Variants in EPN3 observed in about 807,000 individuals in gnomAD.
EPN3 encodes the protein epsin-3.
EPN3 carries 56 observed loss-of-function variants against 55.5 expected under a neutral mutation model. That is an observed-to-expected ratio of 1.01 (90% CI 0.81 to 1.26). The LOEUF (loss-of-function observed/expected upper bound fraction) is 1.26. Among genes scored for constraint, EPN3 ranks in the 50% most tolerant of loss-of-function variants. The probability of loss-of-function intolerance (pLI) is 0.00; values close to 1 mark genes in which losing one functional copy is unlikely to be tolerated. For synonymous variants in EPN3, 449 were observed against 375.2 expected, an observed-to-expected ratio of 1.20 and a Z score of -2.27; for missense variants, 927 against 853.4, an observed-to-expected ratio of 1.09 and a Z score of -1.07.
chr17:50,537,327 T>C (rs1260155168), intron 2 of EPN3: 2 of 595,560 alleles, frequency 3.4e-6, no homozygotes, highest in Non-Finnish European at 5.9e-6. Context: ...ATAGATTCAT[T>C]ATCATTCGTT....
intron 1 of EPN3, among the ~76,000 whole-genome samples, chr17:50,535,461 G>A (rs985985592): frequency 2.0e-5 from 3 of 152,196 alleles, no homozygotes; most frequent in Non-Finnish European, 4.4e-5. Context: ...AGAACTCTGA[G>A]GGGCAGTCTT....
At chr17:50,538,770 A>C in intron 3 of EPN3, 114 bp from the exon 4 acceptor site, 1 of 720,160 alleles carries the variant, frequency 1.4e-6, no homozygotes, top group South Asian at 2.4e-5. Context: ...TGGCCCATGC[A>C]CACTGAGGGT....
In EPN3 at chr17:50,536,623, A is replaced by G. The variant is rs756507809; in HGVS notation, c.67A>G (p.Lys23Glu). Reference sequence around the variant, plus strand: ...GCACAACTACTCCGAGGCAGAAATCAAGGTGCGCGAGGCCACCAGCAATGA... The same window carrying G: ...GCACAACTACTCCGAGGCAGAAATCGAGGTGCGCGAGGCCACCAGCAATGA... ...IVHNYSEAEI[K>E]VREATSNDPW... The change falls in exon 2 of 10, where the codon AAG becomes GAG. Residue 23 changes from lysine (K) to glutamate (E), a missense_variant. Physicochemically the swap from Lys to Glu is moderately conservative, Grantham distance 56. Coordinates refer to ENST00000268933, the MANE Select transcript of EPN3 (RefSeq NM_017957.3). The G allele has an allele frequency of 4.3e-6, 7 of 1,613,930 alleles. No homozygotes were observed. Among genetic ancestry groups the G allele is most frequent in the Admixed American group, 1.7e-5 (1 of 60,002 alleles).
chr17:50,535,581 T>C (rs1049307352), intron 1 of EPN3, among the ~76,000 whole-genome samples: 1 of 152,206 alleles, frequency 6.6e-6, no homozygotes, highest in African/African-American at 2.4e-5. Flanking sequence ...CCTTGTGATC[T>C]TGGATCTCAG....
chr17:50,538,275 A>C, intron 3 of EPN3, 78 bp downstream of exon 3: 1 of 1,151,400 alleles, frequency 8.7e-7, no homozygotes, highest in Non-Finnish European at 1.2e-6. Context: ...CTTGGCCTTG[A>C]CTCAGGCTCT....
rs1159558694 is a variant in EPN3, at chr17:50,537,111, C to T, written c.555C>T (p.Ser185=). 6.3e-7 allele frequency: 1 copy of T among 1,597,048 alleles called. No individual in the cohort carries two copies. The highest frequency in any genetic ancestry group is 8.5e-7 in the Non-Finnish European group (1 of 1,172,828). The part of the protein sequence containing the change: ...DYSRSRGSPS[S]YNSSSSSPRY... ...GCCGCTCCCGGGGCTCCCCGTCCTC[C>T]TACAACTGTGAGTAAGCCCCGGTGT... is the stretch of plus-strand genomic sequence containing the variant. Residue 185 remains serine, a synonymous_variant, in exon 2 of 10, where the codon TCC becomes TCT. Coordinates refer to ENST00000268933, the MANE Select transcript of EPN3 (RefSeq NM_017957.3).
At position 50,538,981 on chromosome 17, in the gene EPN3, G is replaced by A. The variant is rs755249861; in HGVS notation, c.762+17G>A. 6.3e-6 allele frequency: 10 copies of A among 1,584,386 alleles called. No individual in the cohort carries two copies. The highest frequency in any genetic ancestry group is 2.7e-5 in the African/African-American group (2 of 74,074). On this transcript the variant is annotated intron_variant, in intron 4 of 9. Coordinates refer to ENST00000268933, the MANE Select transcript of EPN3 (RefSeq NM_017957.3). ...CACGAGAAGGTAGTGGGCCGAGCCC[G>A]CTGGGCTGCCGGTGCTGCTGCTGCT...
In EPN3 at chr17:50,541,549, G is replaced by A. The variant is rs1312292805; in HGVS notation, c.1440G>A (p.Gly480=). Reference sequence around the variant, plus strand: ...ATGCCCTGGACCTGGGCATACTAGGGGAAGCACTAACCCAGCCAAGCAAAG... The same window carrying A: ...ATGCCCTGGACCTGGGCATACTAGGAGAAGCACTAACCCAGCCAAGCAAAG... ...EPDALDLGIL[G]EALTQPSKEA... The change falls in exon 9 of 10, where the codon GGG becomes GGA. Residue 480 remains glycine (G), a synonymous_variant. Transcript: ENST00000268933. The A allele has an allele frequency of 6.2e-7, 1 of 1,614,190 alleles. No homozygotes were observed. Among genetic ancestry groups the A allele is most frequent in the Non-Finnish European group, 8.5e-7 (1 of 1,180,024 alleles).
At position 50,540,793 on chromosome 17, in the gene EPN3, GT is replaced by G; in HGVS notation, c.984del (p.Phe328LeufsTer36). ...CATGTCTATGCTGTTCCCATTTCAG[GT>G]TTTAGGCCGAACACAGAGGCCAGTG... Reference protein sequence around the residue: ...HCSADPWDIPGFRPNTEASGS... With the variant: ...HCSADPWDIPXFRPNTEASGS... On this transcript the variant is annotated frameshift_variant and splice_region_variant, in exon 7 of 10. Transcript: ENST00000268933. LOFTEE classifies it high-confidence loss of function. 5 of 1,606,668 alleles carry G rather than the reference GT, an allele frequency of 3.1e-6. No individual in the cohort carries two copies. The highest frequency in any genetic ancestry group is 4.3e-6 in the Non-Finnish European group (5 of 1,174,946).
chr17:50,537,851 A>C (rs1009543372), intron 2 of EPN3: 3 of 489,252 alleles, frequency 6.1e-6, no homozygotes, highest in Admixed American at 3.8e-5. Context: ...AGGGGCCCTA[A>C]GTGCCGCCTG....
rs2034870702 is a variant in EPN3, at chr17:50,543,145, A to T, written c.*988A>T. 6.6e-6 allele frequency: 1 copy of T among 152,280 alleles called. No individual in the cohort carries two copies. The allele number at this position is 152,280 out of a possible 1,614,324, so 9.4% of individuals were successfully genotyped here. A position where few individuals can be genotyped will look rare whatever the true frequency, so the allele number is the denominator to read the frequency against. ...CAGGAGCTCGAGCGCAGCAGGGTAGACAAGCCAGGGGCACGTGATGCGGCT... is the reference window on the plus strand; with the variant it reads ...CAGGAGCTCGAGCGCAGCAGGGTAGTCAAGCCAGGGGCACGTGATGCGGCT... On this transcript the variant is annotated 3_prime_UTR_variant, in exon 10 of 10. Coordinates refer to ENST00000268933, the MANE Select transcript of EPN3 (RefSeq NM_017957.3).
Position 50,541,665 on chromosome 17 carries a change from T to G in EPN3, c.1556T>G (p.Val519Gly), listed in dbSNP as rs1056349979. ...NLDSLVKAPQ[V>G]AKTRNPFLTG... is the part of the protein sequence containing the mutation. ...GACTCGTTGGTCAAGGCACCCCAGG[T>G]TGCAAAGACCCGGAACCCCTTCCTG... The change falls in exon 9 of 10, where the codon GTT becomes GGT. Residue 519 changes from valine to glycine, a missense_variant. Val to Gly is a moderately radical substitution (Grantham distance 109). Transcript: ENST00000268933. 1 of 1,612,042 alleles carries G rather than the reference T, an allele frequency of 6.2e-7. No homozygotes were observed. The highest frequency in any genetic ancestry group is 1.3e-5 in the African/African-American group (1 of 75,040).
At chr17:50,541,103 AC>A (rs764694533) in intron 7 of EPN3, 41 bp downstream of exon 7, 9 of 1,569,092 alleles carry the variant, frequency 5.7e-6, no homozygotes, top group Non-Finnish European at 7.8e-6. Flanking sequence ...GAGCTGGGGG[AC>A]TTCCAGGCAG....
At chr17:50,541,756 G>T in intron 9 of EPN3, 62 bp downstream of exon 9, 2 of 1,607,462 alleles carry the variant, frequency 1.2e-6, no homozygotes, top group Middle Eastern at 1.7e-4. Context: ...GCCTCCGCCG[G>T]AGGAGCCCAC....
At position 50,536,725 on chromosome 17, in the gene EPN3, A is replaced by G. The variant is rs752286023; in HGVS notation, c.169A>G (p.Met57Val). 1 of 1,614,118 alleles carries G rather than the reference A, an allele frequency of 6.2e-7. No individual in the cohort carries two copies. The highest frequency in any genetic ancestry group is 8.5e-7 in the Non-Finnish European group (1 of 1,180,022). Residue 57 changes from methionine to valine, a missense_variant, in exon 2 of 10, where the codon ATG (methionine) becomes GTG (valine). Coordinates refer to ENST00000268933, the MANE Select transcript of EPN3 (RefSeq NM_017957.3). ...CAACACAGTGGCCTTCACCGAAGTCATGGGCATGCTGTGGCGGCGGCTCAA... is the reference window on the plus strand; with the variant it reads ...CAACACAGTGGCCTTCACCGAAGTCGTGGGCATGCTGTGGCGGCGGCTCAA... The part of the protein sequence containing the change: ...TFNTVAFTEV[M>V]GMLWRRLNDS...
chr17:50,540,965 C>G lies in EPN3; in HGVS notation c.1152C>G (p.Pro384=), dbSNP rs145271831. ...CCCCAGTGCTGCCTGCTGGGCCCCC[C>G]ACCACAGACCCCTGGGCCCTGAACT... ...GRTPVLPAGP[P]TTDPWALNSP... is the part of the protein sequence containing the mutation. The change falls in exon 7 of 10, where the codon CCC becomes CCG. Residue 384 remains proline, a synonymous_variant. Coordinates refer to ENST00000268933, the MANE Select transcript of EPN3 (RefSeq NM_017957.3). The G allele has an allele frequency of 9.4e-4, 1,521 of 1,613,010 alleles. 18 individuals are homozygous for G. In the African/African-American group the frequency reaches 0.019, roughly 20 times the overall value.
Position 50,538,991 on chromosome 17 carries a change from C to T in EPN3, c.762+27C>T, listed in dbSNP as rs190060436. 8.7e-5 allele frequency: 137 copies of T among 1,576,680 alleles called. No individual in the cohort carries two copies. In the Admixed American group the frequency reaches 2.2e-3, roughly 25 times the overall value. On this transcript the variant is annotated intron_variant, in intron 4 of 9. Coordinates refer to ENST00000268933, the MANE Select transcript of EPN3 (RefSeq NM_017957.3). ...TAGTGGGCCGAGCCCGCTGGGCTGC[C>T]GGTGCTGCTGCTGCTGCTGGTGGAG...
At chr17:50,535,654 G>A (rs2034748820) in intron 1 of EPN3, among the ~76,000 whole-genome samples, 1 of 152,156 alleles carries the variant, frequency 6.6e-6, no homozygotes, top group South Asian at 2.1e-4. Context: ...TTCCTGTGCG[G>A]CTCTGCACTC....
At position 50,536,833 on chromosome 17, in the gene EPN3, G is replaced by A. The variant is rs1199047040; in HGVS notation, c.277G>A (p.Ala93Thr). ...YLLKTGSERV[A>T]HQCRENLYTI... ...GCTCAAGACGGGCTCCGAGCGGGTG[G>A]CCCACCAGTGCCGCGAGAACCTCTA... is the stretch of plus-strand genomic sequence containing the variant. Residue 93 changes from alanine (A) to threonine (T), a missense_variant, in exon 2 of 10, where the codon GCC becomes ACC. By Grantham distance (58) the Ala-to-Thr change is moderately conservative. Coordinates refer to ENST00000268933, the MANE Select transcript of EPN3 (RefSeq NM_017957.3). 2 of 1,614,082 alleles carry A rather than the reference G, an allele frequency of 1.2e-6. No individual in the cohort carries two copies. The highest frequency in any genetic ancestry group is 4.5e-5 in the East Asian group (2 of 44,864).
Sources: allele counts gnomAD v4.1 joint callset (sites outside exome capture counted in the v4.1 genomes callset), GRCh38; gene constraint gnomAD v4.1.1; transcripts MANE v1.5; gene names NCBI Gene and HGNC (gene_info 2026-07-23, HGNC 2026-07-21).